ASTN2: variants seen among roughly 807,000 people sequenced by gnomAD.
The protein encoded by ASTN2 is astrotactin 2.
Under a neutral mutation model 139.8 loss-of-function variants are expected in ASTN2, and 54 were observed. The observed-to-expected ratio is 0.39, with a 90% CI of 0.31 to 0.48. The LOEUF (loss-of-function observed/expected upper bound fraction) is 0.48, where lower values mean the gene tolerates loss of function less well. ASTN2 is among the 20% of genes least tolerant of loss of function. The pLI is 0.95. For missense variants in ASTN2, 1,565 were observed against 1,725.1 expected (o/e 0.91, Z 1.64); for synonymous variants, 756 against 719.5 (o/e 1.05, Z -0.81).
chr9:117,296,723 G>A (rs1328035926), intron 1 of ASTN2, among the ~76,000 whole-genome samples: 1 of 152,208 alleles, frequency 6.6e-6, no homozygotes, highest in East Asian at 1.9e-4. Flanking sequence ...ATGCCTTTTG[G>A]CAGTAGGCTG....
intron 16 of ASTN2, among the ~76,000 whole-genome samples, chr9:116,684,655 A>G (rs536989788): frequency 6.6e-6 from 1 of 152,330 alleles, no homozygotes; most frequent in Admixed American, 6.5e-5. Flanking sequence ...TCGCTCAGAC[A>G]CTTGAAAGTG....
intron 1 of ASTN2, among the ~76,000 whole-genome samples, chr9:117,396,816 T>A (rs1830688917): frequency 6.6e-6 from 1 of 152,176 alleles, no homozygotes. Flanking sequence ...TCTGCCCGTC[T>A]TGGTCTCCCA....
At chr9:117,406,857 A>AACACACACAC (rs59125408) in intron 1 of ASTN2, among the ~76,000 whole-genome samples, 31 of 144,340 alleles carry the variant, frequency 2.1e-4, no homozygotes, top group Admixed American at 6.3e-4. Flanking sequence ...ATTGTCCCCT[A>AACACACACAC]ACACACACAC....
intron 5 of ASTN2, among the ~76,000 whole-genome samples, chr9:117,087,071 A>T (rs1828583014): frequency 6.6e-6 from 1 of 152,226 alleles, no homozygotes; most frequent in African/African-American, 2.4e-5. Flanking sequence ...TCTGCCCATG[A>T]GCAAGGCTAC....
chr9:117,008,398 C>T, intron 6 of ASTN2, 139 bp from the exon 7 acceptor site: 1 of 680,360 alleles, frequency 1.5e-6, no homozygotes, highest in Non-Finnish European at 2.3e-6. Flanking sequence ...TGCAATGTGC[C>T]CGTCATGGTG....
At chr9:116,838,357 G>A (rs1316365276) in intron 11 of ASTN2, among the ~76,000 whole-genome samples, 3 of 151,834 alleles carry the variant, frequency 2.0e-5, no homozygotes, top group African/African-American at 7.3e-5. Context: ...TGATCCGCCC[G>A]CCTCAGCACT....
chr9:116,446,595 G>A (rs1023510613), intron 20 of ASTN2, among the ~76,000 whole-genome samples: 2 of 152,126 alleles, frequency 1.3e-5, no homozygotes, highest in African/African-American at 2.4e-5. Flanking sequence ...CTGGCTGATC[G>A]AGGTCCAAGT....
At chr9:117,131,472 C>A (rs1829826031) in intron 4 of ASTN2, among the ~76,000 whole-genome samples, 1 of 152,138 alleles carries the variant, frequency 6.6e-6, no homozygotes, top group Admixed American at 6.5e-5. Context: ...AATGGCCTTG[C>A]AAAACCATCT....
intron 6 of ASTN2, among the ~76,000 whole-genome samples, chr9:117,024,696 A>G (rs1219059695): frequency 6.6e-6 from 1 of 152,136 alleles, no homozygotes; most frequent in Non-Finnish European, 1.5e-5. Context: ...ACAAACGGTC[A>G]CACTTGAGCT....
intron 5 of ASTN2, among the ~76,000 whole-genome samples, chr9:117,072,171 G>C (rs966879573): frequency 6.6e-6 from 1 of 152,156 alleles, no homozygotes; most frequent in Admixed American, 6.5e-5. Flanking sequence ...CCTCCTACAA[G>C]ATACCCCCTA....
chr9:117,088,583 C>A (rs1206622852), intron 5 of ASTN2, among the ~76,000 whole-genome samples: 1 of 152,186 alleles, frequency 6.6e-6, no homozygotes, highest in East Asian at 1.9e-4. Context: ...CGAAGTTTTG[C>A]TTATGGATTC....
chr9:116,934,431 A>C (rs1291443803), intron 10 of ASTN2, among the ~76,000 whole-genome samples: 1 of 152,230 alleles, frequency 6.6e-6, no homozygotes, highest in Non-Finnish European at 1.5e-5. Flanking sequence ...GCCCGGAAGC[A>C]TAATGAAGCT....
At chr9:116,952,452 C>G (rs895517450) in intron 10 of ASTN2, among the ~76,000 whole-genome samples, 4 of 152,148 alleles carry the variant, frequency 2.6e-5, no homozygotes, top group Non-Finnish European at 4.4e-5. Context: ...CCTCCAGGAT[C>G]TGGCAAGAAT....
intron 1 of ASTN2, among the ~76,000 whole-genome samples, chr9:117,347,089 C>T (rs1355464792): frequency 6.6e-6 from 1 of 152,070 alleles, no homozygotes; most frequent in Non-Finnish European, 1.5e-5. Context: ...ATATCTGGCA[C>T]TGGCCGACAT....
chr9:117,094,586 G>C (rs1413100883), intron 5 of ASTN2, among the ~76,000 whole-genome samples: 2 of 152,006 alleles, frequency 1.3e-5, no homozygotes. Context: ...AGATCAAGTG[G>C]AGAAAGCTGA....
intron 11 of ASTN2, among the ~76,000 whole-genome samples, chr9:116,860,114 T>TG (rs150745060): frequency 0.041 from 6,237 of 152,198 alleles, 386 homozygotes; most frequent in African/African-American, 0.13. Context: ...TAAAAAGTGA[T>TG]GGCCCAGCAT....
chr9:117,336,447 G>T (rs16934520), intron 1 of ASTN2, among the ~76,000 whole-genome samples: 1 of 152,120 alleles, frequency 6.6e-6, no homozygotes, highest in Non-Finnish European at 1.5e-5. Context: ...ATCATCACCC[G>T]ATGCAGCGCT....
intron 2 of ASTN2, among the ~76,000 whole-genome samples, chr9:117,272,163 A>G (rs1436373746): frequency 6.6e-6 from 1 of 152,246 alleles, no homozygotes; most frequent in Non-Finnish European, 1.5e-5. Context: ...CCAAACCTCA[A>G]TTCTTGCCTT....
chr9:116,535,209 G>C (rs538923492), intron 19 of ASTN2, among the ~76,000 whole-genome samples: 12 of 151,936 alleles, frequency 7.9e-5, no homozygotes, highest in Non-Finnish European at 1.3e-4. Context: ...TTTTCCTTTT[G>C]CTTGGTAGAT....
Sources: gnomAD v4.1 joint callset for allele counts (sites outside exome capture counted in the v4.1 genomes callset) on GRCh38, gnomAD v4.1.1 for gene constraint, MANE v1.5 for transcripts, NCBI Gene and HGNC (gene_info 2026-07-23, HGNC 2026-07-21) for gene names.